Variants in ART1 observed in about 807,000 individuals in gnomAD.
ART1 encodes the protein GPI-linked NAD(P)(+)--arginine ADP-ribosyltransferase 1.
ART1 carries 29 observed loss-of-function variants against 27.0 expected under a neutral mutation model. The observed-to-expected ratio is 1.08, with a 90% CI of 0.80 to 1.47. ART1 has a LOEUF of 1.47. Among genes scored for constraint, ART1 ranks in the 40% most tolerant of loss-of-function variants. The pLI, the probability that ART1 is intolerant of heterozygous loss-of-function variation, is 0.00. For missense variants in ART1, 480 were observed against 423.0 expected (o/e 1.13, Z -1.18); for synonymous variants, 201 against 172.2 (o/e 1.17, Z -1.31).
chr11:3,650,459 G>A (rs115901547), intron 1 of ART1, among the ~76,000 whole-genome samples: 4,646 of 152,236 alleles, frequency 0.031, 113 homozygotes, highest in South Asian at 0.13. Flanking sequence ...CAGGGACTCC[G>A]AGCTTTGAGT....
Position 3,664,247 on chromosome 11 carries a change from C to A in ART1, c.*58C>A. Reference sequence around the variant, plus strand: ...CTCTGCCCATCCTGAGGATGTTGGCCATGTGTGCTTTCAGTGTAACCAAGA... The same window carrying A: ...CTCTGCCCATCCTGAGGATGTTGGCAATGTGTGCTTTCAGTGTAACCAAGA... On this transcript the variant is annotated 3_prime_UTR_variant, in exon 5 of 5. Coordinates refer to ENST00000250693, the MANE Select transcript of ART1 (RefSeq NM_004314.3). The A allele has an allele frequency of 6.5e-7, 1 of 1,528,890 alleles. No individual in the cohort carries two copies. Among genetic ancestry groups the A allele is most frequent in the South Asian group, 1.1e-5 (1 of 88,770 alleles). 94.7% of individuals were successfully genotyped at this position (1,528,890 alleles called of 1,614,324 possible).
chr11:3,657,312 C>T (rs374130076), intron 1 of ART1, among the ~76,000 whole-genome samples: 14 of 152,150 alleles, frequency 9.2e-5, no homozygotes, highest in Admixed American at 3.3e-4. Context: ...CTGTGGCTCA[C>T]GCCTGTAATC....
At chr11:3,646,472 C>A (rs2133944127) in intron 1 of ART1, among the ~76,000 whole-genome samples, 1 of 152,226 alleles carries the variant, frequency 6.6e-6, no homozygotes, top group African/African-American at 2.4e-5. Context: ...GTGAGACTTG[C>A]CATGGCAAAT....
intron 1 of ART1, among the ~76,000 whole-genome samples, chr11:3,649,661 CT>C (rs1335755488): frequency 1.3e-5 from 2 of 152,218 alleles, no homozygotes; most frequent in Non-Finnish European, 2.9e-5. Flanking sequence ...ATCACCTCCC[CT>C]CCTCACACCC....
rs777286910 is a variant in ART1 at position 3,659,689 on chromosome 11, T to C, written c.170T>C (p.Met57Thr). 1.9e-6 allele frequency: 3 copies of C among 1,613,912 alleles called. No homozygotes were observed. Among genetic ancestry groups the C allele is most frequent in the Middle Eastern group, 1.6e-4 (1 of 6,084 alleles). Residue 57 changes from methionine (M) to threonine (T), a missense_variant, in exon 3 of 5, where the codon ATG becomes ACG. Coordinates refer to ENST00000250693, the MANE Select transcript of ART1 (RefSeq NM_004314.3). Reference protein sequence around the residue: ...DDQYAGCAAAMTAALPDLNHT... With the variant: ...DDQYAGCAAATTAALPDLNHT... ...CAGTACGCTGGCTGTGCTGCTGCCATGACAGCTGCTCTCCCGGATCTCAAC... is the reference window on the plus strand; with the variant it reads ...CAGTACGCTGGCTGTGCTGCTGCCACGACAGCTGCTCTCCCGGATCTCAAC...
rs2077644880 is a variant in ART1 at position 3,664,296 on chromosome 11, G to A, written c.*107G>A. 7 of 1,091,094 alleles carry A rather than the reference G, an allele frequency of 6.4e-6. No individual in the cohort carries two copies. In the Admixed American group the frequency reaches 1.3e-4, roughly 20 times the overall value. The allele number at this position is 1,091,094 out of a possible 1,614,324, so 67.6% of individuals were successfully genotyped here. On this transcript the variant is annotated 3_prime_UTR_variant, in exon 5 of 5. Transcript: ENST00000250693. Reference sequence around the variant, plus strand: ...GATTCCTGTCAATCCCATCTGCAGGGAACTCTGGGACCTTCTCTGGTAGCT... The same window carrying A: ...GATTCCTGTCAATCCCATCTGCAGGAAACTCTGGGACCTTCTCTGGTAGCT...
chr11:3,660,953 G>C (rs1350073158), intron 3 of ART1, among the ~76,000 whole-genome samples: 1 of 152,194 alleles, frequency 6.6e-6, no homozygotes, highest in Non-Finnish European at 1.5e-5. Flanking sequence ...GAACCATGAG[G>C]ATGGGCCCAG....
At chr11:3,663,884 C>A in intron 4 of ART1, 1 of 544,086 alleles carries the variant, frequency 1.8e-6, no homozygotes. Context: ...TTAATAAGTT[C>A]TGATAACCCA....
intron 1 of ART1, among the ~76,000 whole-genome samples, chr11:3,655,125 G>C (rs901134642): frequency 6.6e-6 from 1 of 152,214 alleles, no homozygotes; most frequent in Non-Finnish European, 1.5e-5. Flanking sequence ...GTCTGGCTCA[G>C]CTGGGGTCTT....
intron 1 of ART1, 51 bp from the exon 2 acceptor site, chr11:3,659,111 G>C: frequency 2.7e-6 from 3 of 1,096,310 alleles, no homozygotes; most frequent in Non-Finnish European, 1.4e-6. Flanking sequence ...CACAGACTAA[G>C]TGTCGATTCA....
rs745619713 is a variant in ART1, at chr11:3,659,203, G to T, written c.-11G>T. 4.3e-6 allele frequency: 7 copies of T among 1,614,042 alleles called. No individual in the cohort carries two copies. The highest frequency in any genetic ancestry group is 5.9e-6 in the Non-Finnish European group (7 of 1,180,026). ...CCAAAAAGAGACAGCAACTGGCCCA[G>T]GGTCACCAGCATGCAGATGCCTGCT... On this transcript the variant is annotated 5_prime_UTR_variant, in exon 2 of 5. The change creates a new upstream start codon in the 5' untranslated region. Transcript: ENST00000250693.
intron 4 of ART1, among the ~76,000 whole-genome samples, chr11:3,662,164 G>T (rs1175959905): frequency 6.6e-6 from 1 of 152,214 alleles, no homozygotes; most frequent in East Asian, 1.9e-4. Flanking sequence ...GGTGCTGGAG[G>T]CCTGGGCTCT....
At chr11:3,663,089 ATCATC>A (rs58565508) in intron 4 of ART1, among the ~76,000 whole-genome samples, 5,879 of 86,726 alleles carry the variant, frequency 0.068, 339 homozygotes, top group African/African-American at 0.11. Context: ...ATCTCATCTC[ATCATC>A]TCATCTCATC....
chr11:3,662,626 C>T (rs575226926), intron 4 of ART1, among the ~76,000 whole-genome samples: 2 of 152,328 alleles, frequency 1.3e-5, no homozygotes, highest in African/African-American at 4.8e-5. Context: ...GGGCAGATCA[C>T]CTGAGGTCAG....
At chr11:3,649,703 G>C (rs1404781052) in intron 1 of ART1, among the ~76,000 whole-genome samples, 1 of 152,100 alleles carries the variant, frequency 6.6e-6, no homozygotes, top group African/African-American at 2.4e-5. Context: ...TTCATGACTA[G>C]CCCTCCCCAA....
chr11:3,650,966 G>A (rs1167477624), intron 1 of ART1, among the ~76,000 whole-genome samples: 1 of 151,516 alleles, frequency 6.6e-6, no homozygotes, highest in Non-Finnish European at 1.5e-5. Flanking sequence ...ATTAAAGCCT[G>A]TTATTACTTG....
At chr11:3,647,853 T>G (rs1589915542) in intron 1 of ART1, among the ~76,000 whole-genome samples, 1 of 148,578 alleles carries the variant, frequency 6.7e-6, no homozygotes. Context: ...AAAAGTAAAG[T>G]TGCACAGGGC....
intron 1 of ART1, among the ~76,000 whole-genome samples, chr11:3,653,540 T>C (rs562070885): frequency 6.6e-6 from 1 of 152,034 alleles, no homozygotes; most frequent in Non-Finnish European, 1.5e-5. Context: ...CTTCGCTGAC[T>C]CTCTTTTCGG....
intron 2 of ART1, 136 bp from the exon 3 acceptor site, chr11:3,659,447 G>T (rs898897517): frequency 5.7e-5 from 77 of 1,357,388 alleles, no homozygotes; most frequent in Middle Eastern, 2.0e-4. Context: ...TACAGCCAGA[G>T]GTTCCCAATC....
Sources: gnomAD v4.1 joint callset for allele counts (sites outside exome capture counted in the v4.1 genomes callset) on GRCh38, gnomAD v4.1.1 for gene constraint, MANE v1.5 for transcripts, NCBI Gene and HGNC (gene_info 2026-07-23, HGNC 2026-07-21) for gene names.